Variants in RAD54L2 observed in about 807,000 individuals in gnomAD.
RAD54L2 encodes RAD54 like 2.
In RAD54L2, 27 loss-of-function variants were observed where a neutral mutation model predicts 138.4. The ratio of observed to expected loss-of-function variants is 0.20; its 90% CI spans 0.14 to 0.27. The LOEUF (loss-of-function observed/expected upper bound fraction) is 0.27, where lower values mean the gene tolerates loss of function less well. RAD54L2 is among the 10% of genes least tolerant of loss of function. The probability of loss-of-function intolerance (pLI) is 1.00; values close to 1 mark genes in which losing one functional copy is unlikely to be tolerated. For missense variants in RAD54L2, 1,396 were observed against 1,890.2 expected (o/e 0.74, Z 4.85); for synonymous variants, 644 against 723.2 (o/e 0.89, Z 1.76).
Position 51,665,009 on chromosome 3 carries a change from A to G in RAD54L2, c.*1589A>G, listed in dbSNP as rs533980662. 5 of 152,104 alleles carry G rather than the reference A, an allele frequency of 3.3e-5. 1 individual carries two copies. In the South Asian group the frequency reaches 6.2e-4, roughly 19 times the overall value. The allele number at this position is 152,104 out of a possible 1,614,324, so 9.4% of individuals were successfully genotyped here. A position where few individuals can be genotyped will look rare whatever the true frequency, so the allele number is the denominator to read the frequency against. Reference sequence around the variant, plus strand: ...CTGCTGCCTCCATCTTTGAAGGAACATGGAGGAGCCCTTTCTCTGTAGGAG... The same window carrying G: ...CTGCTGCCTCCATCTTTGAAGGAACGTGGAGGAGCCCTTTCTCTGTAGGAG... On this transcript the variant is annotated 3_prime_UTR_variant, in exon 23 of 23. Coordinates refer to ENST00000684192, the MANE Select transcript of RAD54L2 (RefSeq NM_015106.4).
At chr3:51,577,363 G>C (rs1456638848) in intron 2 of RAD54L2, among the ~76,000 whole-genome samples, 1 of 152,154 alleles carries the variant, frequency 6.6e-6, no homozygotes, top group Non-Finnish European at 1.5e-5. Context: ...TATTAAGTCT[G>C]CTTGGTGCAG....
intron 2 of RAD54L2, among the ~76,000 whole-genome samples, chr3:51,589,082 G>A (rs1053098899): frequency 2.0e-5 from 3 of 152,128 alleles, no homozygotes; most frequent in East Asian, 1.9e-4. Flanking sequence ...TAGCACCTGC[G>A]ATTATATACA....
rs1053867304 is a variant in RAD54L2, at chr3:51,645,334, G to T, written c.2656+105G>T. 8.2e-7 allele frequency: 1 copy of T among 1,215,680 alleles called. No homozygotes were observed. The highest frequency in any genetic ancestry group is 1.2e-6 in the Non-Finnish European group (1 of 862,484). 75.3% of individuals were successfully genotyped at this position (1,215,680 alleles called of 1,614,324 possible). Reference sequence around the variant, plus strand: ...GGATATGGGAACACAGGCAGGCTTCGAGAAAGCCAGCATTTCCTCCTATCT... The same window carrying T: ...GGATATGGGAACACAGGCAGGCTTCTAGAAAGCCAGCATTTCCTCCTATCT... On this transcript the variant is annotated intron_variant, in intron 17 of 22. Transcript: ENST00000684192. The surrounding 1 kb of genome is among the most constrained non-coding windows in gnomAD (Gnocchi z 6.1).
At chr3:51,598,296 A>T (rs1374386339) in intron 3 of RAD54L2, among the ~76,000 whole-genome samples, 1 of 151,720 alleles carries the variant, frequency 6.6e-6, no homozygotes, top group Admixed American at 6.6e-5. Context: ...AATCTCTCTG[A>T]CCTACTCCTG....
chr3:51,581,207 C>T (rs1221157500), intron 2 of RAD54L2, among the ~76,000 whole-genome samples: 1 of 152,164 alleles, frequency 6.6e-6, no homozygotes, highest in Non-Finnish European at 1.5e-5. Flanking sequence ...AAGCGATTCT[C>T]CTGCCTCAGT....
intron 3 of RAD54L2, among the ~76,000 whole-genome samples, chr3:51,617,564 G>T (rs958640342): frequency 2.6e-5 from 4 of 152,190 alleles, no homozygotes; most frequent in African/African-American, 9.6e-5. Flanking sequence ...TAGTCTTACT[G>T]AATTGCAAGA....
At chr3:51,601,396 C>T (rs759120449) in intron 3 of RAD54L2, among the ~76,000 whole-genome samples, 1 of 151,508 alleles carries the variant, frequency 6.6e-6, no homozygotes, top group Non-Finnish European at 1.5e-5. Flanking sequence ...CAACCTCTGC[C>T]TCAGGGGTTC....
intron 3 of RAD54L2, among the ~76,000 whole-genome samples, chr3:51,592,064 T>G (rs1408053587): frequency 2.3e-5 from 3 of 128,976 alleles, no homozygotes; most frequent in Admixed American, 8.2e-5. Flanking sequence ...GTTTTTTTTT[T>G]TTTTTTTTTT....
intron 3 of RAD54L2, among the ~76,000 whole-genome samples, chr3:51,619,980 G>A (rs146845400): frequency 1.3e-3 from 199 of 152,252 alleles, no homozygotes; most frequent in African/African-American, 3.9e-3. Context: ...AGATCTTAAG[G>A]TGTGTTCAGG....
intron 3 of RAD54L2, among the ~76,000 whole-genome samples, chr3:51,593,316 CT>C (rs1356244960): frequency 2.0e-5 from 3 of 150,828 alleles, no homozygotes; most frequent in African/African-American, 7.4e-5. Context: ...AAGAAACTTA[CT>C]TCAGCCCCTT....
At chr3:51,594,611 C>T (rs1404881781) in intron 3 of RAD54L2, among the ~76,000 whole-genome samples, 3 of 151,974 alleles carry the variant, frequency 2.0e-5, no homozygotes, top group African/African-American at 7.3e-5. Context: ...CTAGTTTCTG[C>T]TTTGAGGGAA....
At chr3:51,588,897 G>A (rs1699774019) in intron 2 of RAD54L2, among the ~76,000 whole-genome samples, 1 of 152,052 alleles carries the variant, frequency 6.6e-6, no homozygotes, top group African/African-American at 2.4e-5. Flanking sequence ...CGGTCTTCCT[G>A]GAACACACTC....
intron 3 of RAD54L2, among the ~76,000 whole-genome samples, chr3:51,626,078 C>T (rs916208921): frequency 1.3e-5 from 2 of 151,954 alleles, no homozygotes; most frequent in Non-Finnish European, 2.9e-5. Context: ...CCTCCAACCC[C>T]GCCGACCCCA....
intron 3 of RAD54L2, among the ~76,000 whole-genome samples, chr3:51,594,218 C>T (rs1699906027): frequency 6.6e-6 from 1 of 151,970 alleles, no homozygotes; most frequent in Non-Finnish European, 1.5e-5. Context: ...GAATTACAGG[C>T]ATGCACCACT....
In RAD54L2 at chr3:51,660,105, G is replaced by A; in HGVS notation, c.3396G>A (p.Arg1132=). ...TGKPKVPEDG[R]MAASGSQGPS... ...AACCAAAGGTTCCTGAAGATGGTCG[G>A]ATGGCTGCCTCAGGTGTGATGGCTT... The change falls in exon 22 of 23, where the codon CGG becomes CGA. Residue 1132 remains arginine, a synonymous_variant. Coordinates refer to ENST00000684192, the MANE Select transcript of RAD54L2 (RefSeq NM_015106.4). 6.2e-7 allele frequency: 1 copy of A among 1,600,342 alleles called. No individual in the cohort carries two copies. Among genetic ancestry groups the A allele is most frequent in the Non-Finnish European group, 8.6e-7 (1 of 1,168,766 alleles).
chr3:51,582,231 A>G (rs1699622727), intron 2 of RAD54L2, among the ~76,000 whole-genome samples: 2 of 152,166 alleles, frequency 1.3e-5, no homozygotes, highest in African/African-American at 4.8e-5. Context: ...TTAAGAAGTT[A>G]TAGCTGTGTG....
chr3:51,633,511 A>C, intron 7 of RAD54L2, 66 bp from the exon 8 acceptor site: 1 of 1,469,084 alleles, frequency 6.8e-7, no homozygotes, highest in South Asian at 1.2e-5. Context: ...CTAATTACAA[A>C]GTGAGTAAAA....
intron 19 of RAD54L2, among the ~76,000 whole-genome samples, chr3:51,652,776 A>G (rs905205307): frequency 2.0e-5 from 3 of 152,226 alleles, no homozygotes; most frequent in South Asian, 2.1e-4. Context: ...ACAAAAATCA[A>G]TTCAAGATGG....
chr3:51,595,833 G>T (rs1006227935), intron 3 of RAD54L2, among the ~76,000 whole-genome samples: 1 of 151,774 alleles, frequency 6.6e-6, no homozygotes, highest in African/African-American at 2.4e-5. Flanking sequence ...GTGTTAACAC[G>T]TTTAGGGTCT....
Sources: gnomAD v4.1 joint callset for allele counts (sites outside exome capture counted in the v4.1 genomes callset) on GRCh38, gnomAD v4.1.1 for gene constraint, Gnocchi (gnomAD v3.1) non-coding constraint, MANE v1.5 for transcripts, NCBI Gene and HGNC (gene_info 2026-07-23, HGNC 2026-07-21) for gene names.